OSBPL1A: variants seen among roughly 807,000 people sequenced by gnomAD.
OSBPL1A encodes oxysterol binding protein like 1A.
OSBPL1A carries 80 observed loss-of-function variants against 137.1 expected under a neutral mutation model. That is an observed-to-expected ratio of 0.58 (90% CI 0.49 to 0.70). OSBPL1A has a LOEUF of 0.70. OSBPL1A is among the 30% of genes least tolerant of loss of function. OSBPL1A has a pLI of 0.00. For synonymous variants in OSBPL1A, 365 were observed against 389.7 expected (o/e 0.94, Z 0.75); for missense variants, 970 against 1,129.4 (o/e 0.86, Z 2.02).
At chr18:24,218,229 T>G (rs550263485) in intron 17 of OSBPL1A, 1 of 152,308 alleles carries the variant, frequency 6.6e-6, no homozygotes, top group South Asian at 2.1e-4. Flanking sequence ...ATAATAGTAC[T>G]GTGGTTTAGA....
intron 23 of OSBPL1A, chr18:24,170,657 G>A (rs992555381): frequency 2.4e-5 from 13 of 544,102 alleles, no homozygotes; most frequent in Non-Finnish European, 3.6e-5. Context: ...CTATAAAGGT[G>A]TGTACGACTC....
At chr18:24,330,596 TG>T (rs796235850) in intron 7 of OSBPL1A, among the ~76,000 whole-genome samples, 54 of 151,904 alleles carry the variant, frequency 3.6e-4, no homozygotes, top group African/African-American at 1.2e-3. Flanking sequence ...GCGATTCTCC[TG>T]CCTCAGCCTC....
intron 21 of OSBPL1A, among the ~76,000 whole-genome samples, chr18:24,173,568 A>G (rs1462504058): frequency 6.6e-6 from 1 of 152,134 alleles, no homozygotes; most frequent in African/African-American, 2.4e-5. Flanking sequence ...ACGTGCCACC[A>G]TGCCCGGCTA....
intron 12 of OSBPL1A, among the ~76,000 whole-genome samples, chr18:24,312,372 A>G (rs1256109129): frequency 2.0e-5 from 3 of 152,224 alleles, no homozygotes; most frequent in Non-Finnish European, 2.9e-5. Flanking sequence ...CATTACAGAA[A>G]TTAAATAATG....
At position 24,162,124 on chromosome 18, in the gene OSBPL1A, A is replaced by C. The variant is rs1017533639; in HGVS notation, c.*1055T>G. The C allele has an allele frequency of 6.6e-6, 1 of 152,242 alleles. No individual in the cohort carries two copies. Among genetic ancestry groups the C allele is most frequent in the Non-Finnish European group, 1.5e-5 (1 of 68,062 alleles). 9.4% of individuals were successfully genotyped at this position (152,242 alleles called of 1,614,324 possible). On this transcript the variant is annotated 3_prime_UTR_variant, in exon 28 of 28. Transcript: ENST00000319481. The stretch of plus-strand genomic sequence containing the variant: ...AACACTTGTTAACTTCAAGACAGCA[A>C]TTAAAATCACGGACTGGCAGCTACC...
intron 11 of OSBPL1A, among the ~76,000 whole-genome samples, chr18:24,315,306 C>T (rs1486280354): frequency 6.6e-6 from 1 of 152,030 alleles, no homozygotes; most frequent in African/African-American, 2.4e-5. Flanking sequence ...AGGGGAATCC[C>T]CCAAGGGAAA....
At chr18:24,238,073 C>T (rs1227524289) in intron 16 of OSBPL1A, among the ~76,000 whole-genome samples, 3 of 152,192 alleles carry the variant, frequency 2.0e-5, no homozygotes, top group Admixed American at 6.5e-5. Flanking sequence ...CGTCAATCTA[C>T]ATTCTACCAA....
At chr18:24,237,405 A>C (rs2088519305) in intron 16 of OSBPL1A, among the ~76,000 whole-genome samples, 1 of 152,122 alleles carries the variant, frequency 6.6e-6, no homozygotes, top group Non-Finnish European at 1.5e-5. Context: ...CCTGGGCTTA[A>C]GCGATCCTCC....
chr18:24,306,500 T>C (rs180955795), intron 13 of OSBPL1A, among the ~76,000 whole-genome samples: 1 of 152,242 alleles, frequency 6.6e-6, no homozygotes, highest in African/African-American at 2.4e-5. Context: ...AAACTACTAA[T>C]ACACACAACA....
intron 4 of OSBPL1A, among the ~76,000 whole-genome samples, chr18:24,353,272 C>T (rs1227300753): frequency 1.3e-5 from 2 of 152,166 alleles, no homozygotes; most frequent in African/African-American, 4.8e-5. Context: ...TGAACAGACA[C>T]TTCTAAAAAG....
Position 24,163,062 on chromosome 18 carries a change from T to C in OSBPL1A, c.*117A>G, listed in dbSNP as rs1047114141. On this transcript the variant is annotated 3_prime_UTR_variant, in exon 28 of 28. Coordinates refer to ENST00000319481, the MANE Select transcript of OSBPL1A (RefSeq NM_080597.4). ...TGTTGGGTGAAATGCAGTTATCTCATGAGTGTTTTTTCATTTTTTTTTTTA... is the reference window on the plus strand; with the variant it reads ...TGTTGGGTGAAATGCAGTTATCTCACGAGTGTTTTTTCATTTTTTTTTTTA... 5 of 685,388 alleles carry C rather than the reference T, an allele frequency of 7.3e-6. No individual in the cohort carries two copies. In the African/African-American group the frequency reaches 9.9e-5, roughly 14 times the overall value. 42.5% of individuals were successfully genotyped at this position (685,388 alleles called of 1,614,324 possible). A position where few individuals can be genotyped will look rare whatever the true frequency, so the allele number is the denominator to read the frequency against.
chr18:24,193,213 G>A (rs144845093), intron 18 of OSBPL1A, among the ~76,000 whole-genome samples: 38 of 152,272 alleles, frequency 2.5e-4, no homozygotes, highest in African/African-American at 7.2e-4. Flanking sequence ...CAGGCTGGGC[G>A]CGGTGGCTCA....
At position 24,226,108 on chromosome 18, in the gene OSBPL1A, A is replaced by G. The variant is rs150011106; in HGVS notation, c.1445-910T>C. ...TTAGGATGGAAAGGTCACATTTCCA[A>G]TTGGCTATATATTCAGAGTGGTGCC... On this transcript the variant is annotated intron_variant, in intron 16 of 27. Coordinates refer to ENST00000319481, the MANE Select transcript of OSBPL1A (RefSeq NM_080597.4). Among the ~76,000 whole-genome samples the G allele has an allele frequency of 1.6e-4, 25 of 152,318 alleles. No homozygotes were observed. In the East Asian group the frequency reaches 4.4e-3, roughly 27 times the overall value.
At chr18:24,216,782 G>T (rs2087714936) in intron 17 of OSBPL1A, among the ~76,000 whole-genome samples, 1 of 151,680 alleles carries the variant, frequency 6.6e-6, no homozygotes, top group Admixed American at 6.6e-5. Flanking sequence ...GGGGAGGAAA[G>T]GTTTCAGCTG....
At chr18:24,274,134 T>C (rs191127355) in intron 15 of OSBPL1A, among the ~76,000 whole-genome samples, 1 of 150,062 alleles carries the variant, frequency 6.7e-6, no homozygotes, top group East Asian at 2.0e-4. Context: ...CTCAGGAGGC[T>C]GAGGCAGGAG....
At chr18:24,312,383 G>T (rs556509858) in intron 12 of OSBPL1A, among the ~76,000 whole-genome samples, 3 of 152,128 alleles carry the variant, frequency 2.0e-5, no homozygotes, top group African/African-American at 7.2e-5. Flanking sequence ...TTAAATAATG[G>T]GAGAAAACTT....
At chr18:24,221,423 A>T (rs766525897) in intron 17 of OSBPL1A, among the ~76,000 whole-genome samples, 9 of 152,218 alleles carry the variant, frequency 5.9e-5, no homozygotes, top group Non-Finnish European at 1.2e-4. Flanking sequence ...TCTTAGCCAC[A>T]TTTATTACAG....
chr18:24,347,205 C>T (rs1447571503), intron 4 of OSBPL1A, among the ~76,000 whole-genome samples: 1 of 151,972 alleles, frequency 6.6e-6, no homozygotes, highest in Non-Finnish European at 1.5e-5. Context: ...AGACATGAGT[C>T]TTGTTCCGTC....
At chr18:24,220,948 T>A (rs560933945) in intron 17 of OSBPL1A, among the ~76,000 whole-genome samples, 10 of 152,054 alleles carry the variant, frequency 6.6e-5, no homozygotes, top group Admixed American at 2.6e-4. Context: ...GCTCAGCTAA[T>A]TTTTGTGTTT....
Sources: gnomAD v4.1 joint callset for allele counts (sites outside exome capture counted in the v4.1 genomes callset) on GRCh38, gnomAD v4.1.1 for gene constraint, MANE v1.5 for transcripts, NCBI Gene and HGNC (gene_info 2026-07-23, HGNC 2026-07-21) for gene names.